ANKRD30B: variants seen among roughly 807,000 people sequenced by gnomAD.
ANKRD30B encodes the protein ankyrin repeat domain-containing protein 30B.
A neutral mutation model predicts 202.2 loss-of-function variants in ANKRD30B; 144 were observed. That is an observed-to-expected ratio of 0.71 (90% confidence interval 0.62 to 0.82). The LOEUF is 0.82. Among genes scored for constraint, ANKRD30B ranks in the 40% least tolerant of loss-of-function variants. The pLI is 0.00. For synonymous variants in ANKRD30B, 508 were observed against 561.3 expected (o/e 0.91, Z 1.34); for missense variants, 1,487 against 1,669.1 (o/e 0.89, Z 1.90).
chr18:14,775,483 G>C (rs1967299973), intron 9 of ANKRD30B, among the ~76,000 whole-genome samples: 1 of 152,172 alleles, frequency 6.6e-6, no homozygotes, highest in Admixed American at 6.5e-5. Flanking sequence ...TAATGCCTGG[G>C]ACTTCAAAAT....
At position 14,852,247 on chromosome 18, in the gene ANKRD30B, C is replaced by A. The variant is rs968685351; in HGVS notation, c.4303C>A (p.Gln1435Lys). 6.4e-7 allele frequency: 1 copy of A among 1,560,024 alleles called. No individual in the cohort carries two copies. The highest frequency in any genetic ancestry group is 1.9e-5 in the Admixed American group (1 of 52,242). Residue 1435 changes from glutamine to lysine, a missense_variant, in exon 42 of 44, where the codon CAA becomes AAA. Gln to Lys is a moderately conservative substitution (Grantham distance 53, BLOSUM62 1). This residue lies in a region of ANKRD30B where 182 missense variants were observed against 216.0 expected (regional missense o/e 0.84). Transcript: ENST00000690538. Reference sequence around the variant, plus strand: ...AAGCAAAAATAGGTGGCTTCGACAGCAATTAGTTTATGCACATAAGAAAGT... The same window carrying A: ...AAGCAAAAATAGGTGGCTTCGACAGAAATTAGTTTATGCACATAAGAAAGT... ...LESKNRWLRQ[Q>K]LVYAHKKVNK...
chr18:14,885,698 G>A, the ANKRD30B span, among the ~76,000 whole-genome samples: 1 of 151,868 alleles, frequency 6.6e-6, no homozygotes, highest in South Asian at 2.1e-4. Context: ...GAAACCCTAA[G>A]AATTTACCTC....
chr18:14,760,860 G>GA (rs1397550166), intron 6 of ANKRD30B, among the ~76,000 whole-genome samples: 2 of 151,958 alleles, frequency 1.3e-5, no homozygotes, highest in Non-Finnish European at 2.9e-5. Flanking sequence ...AATATTATCT[G>GA]AAAAAATATT....
chr18:14,930,822 T>C, the ANKRD30B span, among the ~76,000 whole-genome samples: 1 of 152,178 alleles, frequency 6.6e-6, no homozygotes, highest in Non-Finnish European at 1.5e-5. Context: ...TAGAAGCTCA[T>C]TGTAGAATAG....
the ANKRD30B span, among the ~76,000 whole-genome samples, chr18:14,872,972 G>T: frequency 2.6e-5 from 4 of 152,114 alleles, no homozygotes; most frequent in African/African-American, 9.7e-5. Flanking sequence ...CTTTGATGCC[G>T]TTTTGATCCT....
chr18:14,791,339 T>C, intron 15 of ANKRD30B, 62 bp from the exon 16 acceptor site: 1 of 1,390,650 alleles, frequency 7.2e-7, no homozygotes. Context: ...TTAGAAAATT[T>C]TGATACTCTT....
At chr18:14,758,263 C>T (rs186152600) in intron 5 of ANKRD30B, among the ~76,000 whole-genome samples, 3 of 152,116 alleles carry the variant, frequency 2.0e-5, no homozygotes, top group African/African-American at 7.2e-5. Context: ...CTGATAATGT[C>T]CCCTGGGGGC....
the ANKRD30B span, among the ~76,000 whole-genome samples, chr18:14,870,204 C>G: frequency 2.6e-5 from 4 of 152,216 alleles, no homozygotes; most frequent in Admixed American, 1.3e-4. Context: ...TCATAGCTCA[C>G]TGCAGGCTCA....
rs568129325 is a variant in ANKRD30B, at chr18:14,797,648, C to T, written c.1928-13C>T. ...TTGCATATAATCAATTATAAATGTC[C>T]CTTTTCTTTTAGAGTCTCCTGATAA... On this transcript the variant is annotated splice_polypyrimidine_tract_variant and intron_variant, in intron 18 of 43. Coordinates refer to ENST00000690538, the MANE Select transcript of ANKRD30B (RefSeq NM_001367607.2). 7.0e-5 allele frequency: 112 copies of T among 1,604,340 alleles called. 3 individuals carry two copies. The Middle Eastern group carries it at 9.9e-3, about 142-fold the overall frequency.
the ANKRD30B span, chr18:14,883,463 C>CTATAGATA: frequency 7.4e-6 from 1 of 135,054 alleles, no homozygotes; most frequent in African/African-American, 2.8e-5. Context: ...ATCTATATAT[C>CTATAGATA]TATAGATATA....
chr18:14,797,422 C>G (rs1395926678), intron 18 of ANKRD30B, among the ~76,000 whole-genome samples: 1 of 152,208 alleles, frequency 6.6e-6, no homozygotes, highest in Non-Finnish European at 1.5e-5. Context: ...ATCCTGCATG[C>G]AGTTTTGTAT....
At chr18:14,763,026 G>A (rs888960353) in intron 6 of ANKRD30B, among the ~76,000 whole-genome samples, 2 of 151,892 alleles carry the variant, frequency 1.3e-5, no homozygotes, top group African/African-American at 4.8e-5. Context: ...AAGGTACTAA[G>A]TATCTTCCTT....
At chr18:14,832,600 T>C (rs1377680396) in intron 34 of ANKRD30B, among the ~76,000 whole-genome samples, 1 of 152,216 alleles carries the variant, frequency 6.6e-6, no homozygotes, top group Non-Finnish European at 1.5e-5. Flanking sequence ...CAGTCTTGCC[T>C]GTAAAAAGCA....
the ANKRD30B span, among the ~76,000 whole-genome samples, chr18:14,865,900 A>T: frequency 6.6e-6 from 1 of 151,766 alleles, no homozygotes; most frequent in African/African-American, 2.4e-5. Context: ...GAATAGCCTG[A>T]CTCTTCTTCA....
At chr18:14,877,425 T>C in the ANKRD30B span, among the ~76,000 whole-genome samples, 9 of 152,124 alleles carry the variant, frequency 5.9e-5, no homozygotes, top group East Asian at 1.7e-3. Flanking sequence ...CCCCAGTTTC[T>C]GCATCCATAG....
At position 14,782,546 on chromosome 18, in the gene ANKRD30B, C is replaced by A. The variant is rs1268203758; in HGVS notation, c.1502C>A (p.Ala501Glu). The A allele has an allele frequency of 6.3e-7, 1 of 1,588,018 alleles. No homozygotes were observed. Among genetic ancestry groups the A allele is most frequent in the African/African-American group, 1.4e-5 (1 of 73,482 alleles). Residue 501 changes from alanine to glutamate, a missense_variant, in exon 12 of 44, where the codon GCA becomes GAA. Ala to Glu is a moderately radical substitution (Grantham distance 107). Coordinates refer to ENST00000690538, the MANE Select transcript of ANKRD30B (RefSeq NM_001367607.2). ...WDSGSLFESS[A>E]KTQVCIPESM... ...TAACAGAGTCTCTTTGAGAGTTCTG[C>A]AAAGACTCAAGTGTGTATACCTGAG...
At chr18:14,806,140 A>T (rs1969496628) in intron 24 of ANKRD30B, among the ~76,000 whole-genome samples, 1 of 149,688 alleles carries the variant, frequency 6.7e-6, no homozygotes, top group Non-Finnish European at 1.5e-5. Flanking sequence ...GAATGGCCTG[A>T]ACCCGGGAGG....
In ANKRD30B at chr18:14,810,173, A is replaced by G. The variant is rs45518233; in HGVS notation, c.2481A>G (p.Leu827=). 57,256 of 1,376,066 alleles carry G rather than the reference A, an allele frequency of 0.042. 2,460 individuals are homozygous for G. Among genetic ancestry groups the G allele is most frequent in the Middle Eastern group, 0.062 (237 of 3,806 alleles). 85.2% of individuals were successfully genotyped at this position (1,376,066 alleles called of 1,614,324 possible). A position where few individuals can be genotyped will look rare whatever the true frequency, so the allele number is the denominator to read the frequency against. Residue 827 remains leucine, a synonymous_variant, in exon 28 of 44, where the codon TTA becomes TTG. Transcript: ENST00000690538. ...TAGAATTAAAGGACAGAGAAACATT[A>G]AAAGCAGGTAAACTTTGTAATTTAA... The part of the protein sequence containing the change: ...KALELKDRET[L]KAAQMFPSES...
At chr18:14,903,263 G>A in the ANKRD30B span, among the ~76,000 whole-genome samples, 8 of 152,314 alleles carry the variant, frequency 5.3e-5, no homozygotes, top group South Asian at 2.1e-4. Context: ...GAGGAAAGGC[G>A]TGAACATTTA....
Sources: allele counts gnomAD v4.1 joint callset (sites outside exome capture counted in the v4.1 genomes callset), GRCh38; gene constraint gnomAD v4.1.1; regional missense constraint gnomAD v4.1.1; transcripts MANE v1.5; gene names NCBI Gene and HGNC (gene_info 2026-07-23, HGNC 2026-07-21).